WDPCP: variants seen among roughly 807,000 people sequenced by gnomAD.
WDPCP encodes the protein WD repeat-containing and planar cell polarity effector protein fritz homolog.
WDPCP carries 71 observed loss-of-function variants against 93.1 expected under a neutral mutation model. The observed-to-expected ratio is 0.76, with a 90% confidence interval of 0.63 to 0.93. The LOEUF is 0.93. WDPCP is among the 40% of genes least tolerant of loss of function. WDPCP has a pLI of 0.00. For missense variants in WDPCP, 844 were observed against 887.4 expected (o/e 0.95, Z 0.62); for synonymous variants, 315 against 315.0 (o/e 1.00, Z 0.00).
intron 13 of WDPCP, among the ~76,000 whole-genome samples, chr2:63,283,351 T>C (rs575507461): frequency 1.3e-5 from 2 of 152,220 alleles, no homozygotes; most frequent in Admixed American, 6.5e-5. Context: ...GCTTTTGGAA[T>C]GCTTTTATAA....
chr2:63,558,741 G>A (rs763797412), intron 1 of WDPCP, among the ~76,000 whole-genome samples: 1 of 152,076 alleles, frequency 6.6e-6, no homozygotes, highest in Non-Finnish European at 1.5e-5. Context: ...GGAAGAAGCT[G>A]AATCCCTAAA....
intron 14 of WDPCP, among the ~76,000 whole-genome samples, chr2:63,214,391 A>C (rs1390677325): frequency 6.6e-6 from 1 of 152,222 alleles, no homozygotes; most frequent in Non-Finnish European, 1.5e-5. Flanking sequence ...ATCTCAATAG[A>C]TGTAGAAAAG....
chr2:63,531,584 T>C (rs771296455), intron 1 of WDPCP, among the ~76,000 whole-genome samples: 3 of 152,072 alleles, frequency 2.0e-5, no homozygotes, highest in Non-Finnish European at 4.4e-5. Flanking sequence ...GGGTCTGGAG[T>C]GGACCTCCAG....
chr2:63,739,159 A>G (rs545716382), intron 2 of WDPCP, among the ~76,000 whole-genome samples: 8 of 152,238 alleles, frequency 5.3e-5, no homozygotes, highest in Admixed American at 3.9e-4. Flanking sequence ...CCCAATAGCT[A>G]TATTTTCTGC....
intron 1 of WDPCP, among the ~76,000 whole-genome samples, chr2:63,557,929 A>C (rs768651285): frequency 6.6e-6 from 1 of 152,242 alleles, no homozygotes; most frequent in Non-Finnish European, 1.5e-5. Context: ...ACAGAAATCA[A>C]GAAGTTCTTT....
intron 8 of WDPCP, among the ~76,000 whole-genome samples, chr2:63,434,403 G>A (rs1444154659): frequency 6.6e-6 from 1 of 152,108 alleles, no homozygotes; most frequent in Non-Finnish European, 1.5e-5. Context: ...GAATATATGC[G>A]ACGTATACAC....
chr2:63,140,754 G>A (rs1019673207), intron 17 of WDPCP, among the ~76,000 whole-genome samples: 9 of 152,120 alleles, frequency 5.9e-5, no homozygotes, highest in African/African-American at 1.9e-4. Flanking sequence ...TGTATCATCA[G>A]CAAACAGTGA....
chr2:63,592,764 A>G (rs373926558), upstream of WDPCP, among the ~76,000 whole-genome samples: 2 of 152,336 alleles, frequency 1.3e-5, no homozygotes, highest in African/African-American at 4.8e-5. Flanking sequence ...GGACCCAGCT[A>G]TTCCTTCAAG....
chr2:63,721,965 A>C (rs968527597), intron 2 of WDPCP, among the ~76,000 whole-genome samples: 7 of 152,026 alleles, frequency 4.6e-5, no homozygotes, highest in Non-Finnish European at 8.8e-5. Context: ...CCCTAACCGC[A>C]AGTGATCCAC....
chr2:63,449,758 G>A (rs1211549957), intron 6 of WDPCP, among the ~76,000 whole-genome samples: 2 of 152,076 alleles, frequency 1.3e-5, no homozygotes, highest in African/African-American at 4.8e-5. Flanking sequence ...CTTGTACTGG[G>A]TCATGGACCC....
At chr2:63,631,508 G>A (rs1279815885) in intron 3 of WDPCP, among the ~76,000 whole-genome samples, 3 of 151,986 alleles carry the variant, frequency 2.0e-5, no homozygotes, top group African/African-American at 7.3e-5. Context: ...GAGGAATGAT[G>A]TCAGCAAGAT....
At chr2:63,454,121 T>C (rs1410741476) in intron 6 of WDPCP, among the ~76,000 whole-genome samples, 1 of 145,818 alleles carries the variant, frequency 6.9e-6, no homozygotes, top group Non-Finnish European at 1.5e-5. Flanking sequence ...TATATATATA[T>C]TAAAAAAAAG....
At chr2:63,127,727 T>A (rs542347776) in intron 17 of WDPCP, among the ~76,000 whole-genome samples, 44 of 147,946 alleles carry the variant, frequency 3.0e-4, no homozygotes, top group African/African-American at 1.0e-3. Context: ...ATGCACACAC[T>A]CCCTATTCTA....
At chr2:63,450,381 C>T (rs1013630555) in intron 6 of WDPCP, among the ~76,000 whole-genome samples, 2 of 152,164 alleles carry the variant, frequency 1.3e-5, no homozygotes, top group African/African-American at 4.8e-5. Flanking sequence ...CAGCCAACAC[C>T]AGTATGCACC....
intron 3 of WDPCP, among the ~76,000 whole-genome samples, chr2:63,620,517 C>T (rs573212019): frequency 1.3e-5 from 2 of 152,322 alleles, no homozygotes; most frequent in African/African-American, 2.4e-5. Flanking sequence ...AAGGCAGCAG[C>T]CCCCGTCAGG....
At chr2:63,294,633 A>G (rs1352070867) in intron 13 of WDPCP, among the ~76,000 whole-genome samples, 2 of 152,028 alleles carry the variant, frequency 1.3e-5, no homozygotes, top group Non-Finnish European at 2.9e-5. Context: ...AACCTAAACT[A>G]AGGGAGTTCA....
chr2:63,262,120 C>T (rs1681682855), intron 13 of WDPCP, among the ~76,000 whole-genome samples: 1 of 152,100 alleles, frequency 6.6e-6, no homozygotes, highest in Admixed American at 6.6e-5. Flanking sequence ...TAAGAATAGT[C>T]TGTGACTTTG....
At chr2:63,740,472 A>C (rs889606628) in intron 2 of WDPCP, among the ~76,000 whole-genome samples, 1 of 152,162 alleles carries the variant, frequency 6.6e-6, no homozygotes, top group Non-Finnish European at 1.5e-5. Context: ...ATCAAGGCAT[A>C]CATCTTTCTT....
intron 2 of WDPCP, among the ~76,000 whole-genome samples, chr2:63,726,584 A>T (rs1468621479): frequency 6.6e-6 from 1 of 152,158 alleles, no homozygotes; most frequent in African/African-American, 2.4e-5. Flanking sequence ...AAAAAGTGTC[A>T]TCAGTAGTTT....
Sources: allele counts gnomAD v4.1 joint callset (sites outside exome capture counted in the v4.1 genomes callset), GRCh38; gene constraint gnomAD v4.1.1; transcripts MANE v1.5; gene names NCBI Gene and HGNC (gene_info 2026-07-23, HGNC 2026-07-21).